Variants in VSIG10 observed in about 807,000 individuals in gnomAD.
The protein encoded by VSIG10 is V-set and immunoglobulin domain-containing protein 10.
Under a neutral mutation model 58.7 loss-of-function variants are expected in VSIG10, and 48 were observed. That is an observed-to-expected ratio of 0.82 (90% CI 0.65 to 1.04). The LOEUF (loss-of-function observed/expected upper bound fraction) is 1.04. Among genes scored for constraint, VSIG10 ranks in the 50% least tolerant of loss-of-function variants. The pLI, the probability that VSIG10 is intolerant of heterozygous loss-of-function variation, is 0.00. For missense variants in VSIG10, 628 were observed against 670.0 expected (o/e 0.94, Z 0.69); for synonymous variants, 260 against 267.1 (o/e 0.97, Z 0.26).
At chr12:118,084,951 G>A (rs1188297805) in intron 2 of VSIG10, among the ~76,000 whole-genome samples, 3 of 152,056 alleles carry the variant, frequency 2.0e-5, no homozygotes, top group Non-Finnish European at 4.4e-5. Context: ...CCCGGGAGGC[G>A]GAGCTTGCAG....
intron 5 of VSIG10, 21 bp from the exon 6 acceptor site, chr12:118,071,490 A>G (rs2032492182): frequency 1.3e-6 from 2 of 1,598,276 alleles, no homozygotes; most frequent in South Asian, 2.2e-5. Context: ...AAATCACACC[A>G]TTGATTCTTC....
At chr12:118,078,739 G>A (rs1224630001) in intron 4 of VSIG10, among the ~76,000 whole-genome samples, 1 of 151,426 alleles carries the variant, frequency 6.6e-6, no homozygotes, top group Non-Finnish European at 1.5e-5. Flanking sequence ...GTCAGTTCGA[G>A]ACCAGCCTGG....
intron 2 of VSIG10, among the ~76,000 whole-genome samples, chr12:118,084,134 AGAAAAG>A (rs2033049981): frequency 6.6e-6 from 1 of 152,254 alleles, no homozygotes; most frequent in South Asian, 2.1e-4. Flanking sequence ...AAGAAAAAAA[AGAAAAG>A]GAAAAGCTTT....
At chr12:118,085,808 G>A (rs1463692352) in intron 2 of VSIG10, among the ~76,000 whole-genome samples, 1 of 146,502 alleles carries the variant, frequency 6.8e-6, no homozygotes, top group Non-Finnish European at 1.5e-5. Context: ...GTTGCAGTGA[G>A]CCGAGATCAC....
At chr12:118,069,997 C>G (rs1357085811) in intron 7 of VSIG10, among the ~76,000 whole-genome samples, 1 of 152,118 alleles carries the variant, frequency 6.6e-6, no homozygotes, top group African/African-American at 2.4e-5. Flanking sequence ...GAATGACAGA[C>G]TTACTAAGAA....
At chr12:118,092,822 A>T (rs1028273580) in intron 2 of VSIG10, among the ~76,000 whole-genome samples, 1 of 150,882 alleles carries the variant, frequency 6.6e-6, no homozygotes, top group Non-Finnish European at 1.5e-5. Flanking sequence ...TTTTTGTAGA[A>T]ATGGGGTCTT....
Position 118,068,494 on chromosome 12 carries a change from C to T in VSIG10, c.1450G>A (p.Ala484Thr), listed in dbSNP as rs61943490. 3 of 1,613,322 alleles carry T rather than the reference C, an allele frequency of 1.9e-6. No homozygotes were observed. The highest frequency in any genetic ancestry group is 2.5e-6 in the Non-Finnish European group (3 of 1,179,812). Residue 484 changes from alanine to threonine, a missense_variant, in exon 8 of 9, where the codon GCA becomes ACA. Ala to Thr is a moderately conservative substitution (Grantham distance 58). Transcript: ENST00000359236. ...EDAAVGEQEG[A>T]REREELPKEI... ...TTTGGCAACTCCTCTCTCTCACGTG[C>T]TCCCTCCTGTTCCCCTACTGCAGCA...
intron 2 of VSIG10, among the ~76,000 whole-genome samples, chr12:118,094,064 G>A (rs894364911): frequency 2.6e-5 from 4 of 152,158 alleles, no homozygotes; most frequent in Non-Finnish European, 5.9e-5. Flanking sequence ...CTCAGTGACA[G>A]CCTTCGCCCT....
chr12:118,073,326 T>C (rs1217419186), intron 5 of VSIG10, among the ~76,000 whole-genome samples: 1 of 152,182 alleles, frequency 6.6e-6, no homozygotes, highest in Non-Finnish European at 1.5e-5. Context: ...TGCCCAGCCC[T>C]ATCGTTGTTT....
At chr12:118,090,174 C>A (rs993413034) in intron 2 of VSIG10, among the ~76,000 whole-genome samples, 1 of 152,038 alleles carries the variant, frequency 6.6e-6, no homozygotes, top group African/African-American at 2.4e-5. Context: ...ATTGGCCGAG[C>A]ATGGTGGTGC....
chr12:118,103,759 G>A lies in VSIG10; in HGVS notation c.-88C>T, dbSNP rs931273950. 1.5e-6 allele frequency: 2 copies of A among 1,290,992 alleles called. No homozygotes were observed. Among genetic ancestry groups the A allele is most frequent in the Non-Finnish European group, 2.0e-6 (2 of 995,994 alleles). 80.0% of individuals were successfully genotyped at this position (1,290,992 alleles called of 1,614,324 possible). ...GGCCCCGGGGCCCGGGGTACCGAGG[G>A]CTCCTCCCAGGTCCTCGGAACGGCA... On this transcript the variant is annotated 5_prime_UTR_variant, in exon 1 of 9. Transcript: ENST00000359236.
At chr12:118,072,240 C>T (rs1350983020) in intron 5 of VSIG10, among the ~76,000 whole-genome samples, 5 of 151,650 alleles carry the variant, frequency 3.3e-5, no homozygotes, top group African/African-American at 9.7e-5. Context: ...CCGAGGCAGG[C>T]GGATCACGAG....
chr12:118,070,192 G>A (rs1001514925), intron 7 of VSIG10, among the ~76,000 whole-genome samples: 2 of 151,944 alleles, frequency 1.3e-5, no homozygotes, highest in African/African-American at 4.8e-5. Flanking sequence ...TGGTTCCTTC[G>A]CCCCTACTGG....
At chr12:118,075,058 T>C (rs189894319) in intron 4 of VSIG10, among the ~76,000 whole-genome samples, 82 of 150,932 alleles carry the variant, frequency 5.4e-4, no homozygotes, top group Admixed American at 8.0e-4. Flanking sequence ...TTATCATAAG[T>C]ATTTATGTAT....
At chr12:118,091,635 A>G (rs2033303134) in intron 2 of VSIG10, among the ~76,000 whole-genome samples, 1 of 152,222 alleles carries the variant, frequency 6.6e-6, no homozygotes, top group African/African-American at 2.4e-5. Flanking sequence ...AGTGTCTGGC[A>G]TCAAGCTCTC....
At chr12:118,077,767 A>T (rs573306587) in intron 4 of VSIG10, among the ~76,000 whole-genome samples, 64 of 152,314 alleles carry the variant, frequency 4.2e-4, no homozygotes, top group African/African-American at 1.4e-3. Flanking sequence ...CCTTATGGAG[A>T]ATCCCACATG....
chr12:118,094,626 T>C (rs1476741731), intron 2 of VSIG10, among the ~76,000 whole-genome samples: 2 of 152,042 alleles, frequency 1.3e-5, no homozygotes, highest in Non-Finnish European at 2.9e-5. Flanking sequence ...TTGGGTGATC[T>C]GCCCACTTGA....
intron 2 of VSIG10, among the ~76,000 whole-genome samples, chr12:118,090,552 C>T (rs1258347299): frequency 2.0e-5 from 3 of 152,148 alleles, no homozygotes; most frequent in Non-Finnish European, 1.5e-5. Flanking sequence ...CTCTTACACA[C>T]GAGGCGAGGC....
Position 118,073,739 on chromosome 12 carries a change from A to G in VSIG10, c.1179T>C (p.Pro393=). The G allele has an allele frequency of 6.2e-7, 1 of 1,613,806 alleles. No homozygotes were observed. Among genetic ancestry groups the G allele is most frequent in the Non-Finnish European group, 8.5e-7 (1 of 1,179,818 alleles). Residue 393 remains proline, a synonymous_variant, in exon 5 of 9, where the codon CCT becomes CCC. Transcript: ENST00000359236. ...AGATTTCCATCTCCCTCACCCCTAC[A>G]GGGCTGTCAGCTCGGCAGATGTAGT... is the stretch of plus-strand genomic sequence containing the variant. ...EGYYICRADS[P]VGVREMEIWL...
Sources: allele counts gnomAD v4.1 joint callset (sites outside exome capture counted in the v4.1 genomes callset), GRCh38; gene constraint gnomAD v4.1.1; transcripts MANE v1.5; gene names NCBI Gene and HGNC (gene_info 2026-07-23, HGNC 2026-07-21).